Variants in CFAP54 observed in about 807,000 individuals in gnomAD.
The protein encoded by CFAP54 is cilia and flagella associated protein 54, also known as cilia- and flagella-associated protein 54.
A neutral mutation model predicts 370.4 loss-of-function variants in CFAP54; 290 were observed. That is an observed-to-expected ratio of 0.78 (90% CI 0.71 to 0.86). The LOEUF (loss-of-function observed/expected upper bound fraction) is 0.86. Among genes scored for constraint, CFAP54 ranks in the 40% least tolerant of loss-of-function variants. CFAP54 has a pLI of 0.00. For synonymous variants in CFAP54, 1,206 were observed against 1,236.5 expected (o/e 0.98, Z 0.52); for missense variants, 3,399 against 3,528.7 (o/e 0.96, Z 0.93).
rs78678145 is a variant in CFAP54, at chr12:96,507,564, C to T, written c.739+465C>T. Among the ~76,000 whole-genome samples the T allele has an allele frequency of 2.1e-3, 298 of 142,822 alleles. 2 individuals carry two copies. Among genetic ancestry groups the T allele is most frequent in the African/African-American group, 7.2e-3 (289 of 40,326 alleles). The allele number at this position is 142,822 out of a possible 152,430, so 93.7% of individuals were successfully genotyped here. A position where few individuals can be genotyped will look rare whatever the true frequency, so the allele number is the denominator to read the frequency against. ...ACACACACACACACACACACATACA[C>T]ACACACATATGTACATTATGTGTAT... On this transcript the variant is annotated intron_variant, in intron 4 of 67. Transcript: ENST00000524981.
chr12:96,623,939 C>A, intron 28 of CFAP54, 58 bp downstream of exon 28: 1 of 1,107,806 alleles, frequency 9.0e-7, no homozygotes, highest in Non-Finnish European at 1.3e-6. Flanking sequence ...AAACGAGAAA[C>A]TATTTTGTTC....
chr12:96,806,192 ATATATATATATATATATATAT>A lies in CFAP54; in HGVS notation c.8851-5543_8851-5523del, dbSNP rs1565984887. Reference sequence around the variant, plus strand: ...TATATATATATATATATATATATATATATATATATATATATATATATAATAACAACATAAAAAGAAAGTTGG... The same window carrying A: ...TATATATATATATATATATATATATAAATAACAACATAAAAAGAAAGTTGG... On this transcript the variant is annotated intron_variant, in intron 63 of 67. Transcript: ENST00000524981. Among the ~76,000 whole-genome samples, 471 of 89,420 alleles carry A rather than the reference ATATATATATATATATATATAT, an allele frequency of 5.3e-3. 19 individuals are homozygous for A. The highest frequency in any genetic ancestry group is 0.011 in the African/African-American group (263 of 24,110). The allele number at this position is 89,420 out of a possible 152,430, so 58.7% of individuals were successfully genotyped here. A position where few individuals can be genotyped will look rare whatever the true frequency, so the allele number is the denominator to read the frequency against.
intron 51 of CFAP54, among the ~76,000 whole-genome samples, chr12:96,741,175 G>GT (rs1201987371): frequency 7.3e-5 from 11 of 150,964 alleles, no homozygotes; most frequent in East Asian, 1.9e-4. Flanking sequence ...TGGTTTTTTG[G>GT]TTTTTTTTTG....
chr12:96,685,681 C>G (rs1306974469), intron 42 of CFAP54, among the ~76,000 whole-genome samples: 2 of 152,116 alleles, frequency 1.3e-5, no homozygotes, highest in Non-Finnish European at 2.9e-5. Context: ...TCCCGAGTAG[C>G]TGGGATTACA....
At chr12:96,721,469 T>C (rs942942806) in intron 50 of CFAP54, among the ~76,000 whole-genome samples, 3 of 152,254 alleles carry the variant, frequency 2.0e-5, no homozygotes, top group African/African-American at 4.8e-5. Flanking sequence ...TGTATCCATA[T>C]GCTCACAGAT....
chr12:96,752,477 T>C (rs1015475736), intron 55 of CFAP54, among the ~76,000 whole-genome samples: 2 of 152,216 alleles, frequency 1.3e-5, no homozygotes, highest in African/African-American at 4.8e-5. Context: ...GAATTCAGTA[T>C]CTGTATCAGA....
chr12:96,759,435 G>T (rs17686678), intron 58 of CFAP54, among the ~76,000 whole-genome samples: 45,746 of 151,920 alleles, frequency 0.3, 7,918 homozygotes, highest in Middle Eastern at 0.4. Flanking sequence ...AATGAAAACA[G>T]TAGTGTAATT....
intron 49 of CFAP54, 117 bp from the exon 50 acceptor site, chr12:96,720,288 T>G: frequency 1.1e-6 from 1 of 909,018 alleles, no homozygotes; most frequent in Non-Finnish European, 1.5e-6. Flanking sequence ...ACCAAGTTCC[T>G]TTTTGGTCTT....
At position 96,784,781 on chromosome 12, in the gene CFAP54, C is replaced by T; in HGVS notation, c.8346C>T (p.Asp2782=). The change falls in exon 61 of 68, where the codon GAC becomes GAT. Residue 2782 remains aspartate, a synonymous_variant. Coordinates refer to ENST00000524981, the MANE Select transcript of CFAP54 (RefSeq NM_001306084.2). ...TFLYQNDDVC[D]SADGRKKTQT... ...TGTACCAAAATGATGATGTGTGTGA[C>T]AGCGCAGATGGTAGAAAAAAGACTC... is the stretch of plus-strand genomic sequence containing the variant. The T allele has an allele frequency of 1.3e-6, 2 of 1,534,720 alleles. No individual in the cohort carries two copies. Among genetic ancestry groups the T allele is most frequent in the Non-Finnish European group, 1.7e-6 (2 of 1,146,082 alleles).
intron 1 of CFAP54, among the ~76,000 whole-genome samples, chr12:96,496,217 T>C (rs1390946963): frequency 6.6e-6 from 1 of 152,244 alleles, no homozygotes; most frequent in Admixed American, 6.5e-5. Flanking sequence ...ATCAATATTA[T>C]TTAATTACCC....
chr12:96,835,119 G>T (rs947956808), intron 66 of CFAP54, among the ~76,000 whole-genome samples: 1 of 152,090 alleles, frequency 6.6e-6, no homozygotes, highest in Non-Finnish European at 1.5e-5. Context: ...GCAGCTTTCA[G>T]CAGAGAATAG....
chr12:96,777,267 C>T (rs112294272), intron 60 of CFAP54, among the ~76,000 whole-genome samples: 4,666 of 152,008 alleles, frequency 0.031, 235 homozygotes, highest in African/African-American at 0.1. Flanking sequence ...CCCATTTTAT[C>T]ACAGAAAAGA....
At position 96,554,262 on chromosome 12, in the gene CFAP54, A is replaced by G; in HGVS notation, c.2235A>G (p.Leu745=). 1 of 1,529,008 alleles carries G rather than the reference A, an allele frequency of 6.5e-7. No individual in the cohort carries two copies. Among genetic ancestry groups the G allele is most frequent in the South Asian group, 1.2e-5 (1 of 82,746 alleles). The allele number at this position is 1,529,008 out of a possible 1,614,324, so 94.7% of individuals were successfully genotyped here. The change falls in exon 16 of 68, where the codon TTA becomes TTG. Residue 745 remains leucine (L), a synonymous_variant. Transcript: ENST00000524981. ...AIGGINLNCM[L]TSLPNGSSVI... ...GTGGAATAAATTTGAATTGCATGTT[A>G]ACCTCTTTGCCAAATGGATCATCAG...
intron 38 of CFAP54, 90 bp from the exon 39 acceptor site, chr12:96,663,740 T>C (rs780833330): frequency 2.5e-5 from 22 of 872,990 alleles, no homozygotes; most frequent in Non-Finnish European, 3.8e-5. Context: ...TTTATTCTGA[T>C]AAATAAAAAA....
At chr12:96,618,864 G>A (rs1406364062) in intron 26 of CFAP54, among the ~76,000 whole-genome samples, 1 of 152,088 alleles carries the variant, frequency 6.6e-6, no homozygotes, top group Non-Finnish European at 1.5e-5. Flanking sequence ...TCCAAGTGAT[G>A]TTACTGTAGA....
chr12:96,709,665 C>A (rs1957588752), intron 48 of CFAP54, among the ~76,000 whole-genome samples: 1 of 151,234 alleles, frequency 6.6e-6, no homozygotes, highest in Non-Finnish European at 1.5e-5. Context: ...GTTTAACCAA[C>A]CTTACATTCT....
intron 66 of CFAP54, among the ~76,000 whole-genome samples, chr12:96,855,948 C>T (rs1399555347): frequency 6.6e-6 from 1 of 152,240 alleles, no homozygotes; most frequent in East Asian, 1.9e-4. Flanking sequence ...CATACTTCTG[C>T]CTAGACATCC....
Position 96,648,002 on chromosome 12 carries a change from G to T in CFAP54, c.4675G>T (p.Ala1559Ser). Reference sequence around the variant, plus strand: ...CCTTCTTACAGCCAAAAAAAGAAAGGCCAACTTACCATCAGGTAAAATAAA... The same window carrying T: ...CCTTCTTACAGCCAAAAAAAGAAAGTCCAACTTACCATCAGGTAAAATAAA... ...DFLLTAKKRKANLPSDAEEFS... is the reference protein window; with the variant it reads ...DFLLTAKKRKSNLPSDAEEFS... Residue 1559 changes from alanine (A) to serine (S), a missense_variant, in exon 34 of 68, where the codon GCC (alanine) becomes TCC (serine). Physicochemically the swap from Ala to Ser is moderately conservative, Grantham distance 99. Coordinates refer to ENST00000524981, the MANE Select transcript of CFAP54 (RefSeq NM_001306084.2). 1 of 1,500,986 alleles carries T rather than the reference G, an allele frequency of 6.7e-7. No individual in the cohort carries two copies. The highest frequency in any genetic ancestry group is 2.5e-5 in the East Asian group (1 of 39,992). 93.0% of individuals were successfully genotyped at this position (1,500,986 alleles called of 1,614,324 possible).
chr12:96,599,224 G>T (rs1314106975), intron 26 of CFAP54, among the ~76,000 whole-genome samples: 4 of 125,986 alleles, frequency 3.2e-5, no homozygotes, highest in African/African-American at 1.2e-4. Context: ...TGTTCTCATT[G>T]TTCAGCTCCC....
Sources: gnomAD v4.1 joint callset for allele counts (sites outside exome capture counted in the v4.1 genomes callset) on GRCh38, gnomAD v4.1.1 for gene constraint, MANE v1.5 for transcripts, NCBI Gene and HGNC (gene_info 2026-07-23, HGNC 2026-07-21) for gene names.